PPP1R2: variants seen among roughly 807,000 people sequenced by gnomAD.
PPP1R2 encodes protein phosphatase 1 regulatory inhibitor subunit 2.
PPP1R2 carries 16 observed loss-of-function variants against 29.9 expected under a neutral mutation model. That is an observed-to-expected ratio of 0.53 (90% CI 0.36 to 0.81). PPP1R2 has a LOEUF of 0.81. Ranked by LOEUF, PPP1R2 falls within the 30% of genes least tolerant of loss-of-function variation. PPP1R2 has a pLI of 0.00. For missense variants in PPP1R2, 197 were observed against 252.7 expected (o/e 0.78, Z 1.49); for synonymous variants, 76 against 91.5 (o/e 0.83, Z 0.96).
chr3:195,518,659 A>G (rs1249385805), intron 5 of PPP1R2, among the ~76,000 whole-genome samples: 1 of 152,146 alleles, frequency 6.6e-6, no homozygotes, highest in Non-Finnish European at 1.5e-5. Context: ...TCAAAAAAAA[A>G]AAAAAAGTTT....
chr3:195,541,395 G>A (rs1447964197), intron 1 of PPP1R2, among the ~76,000 whole-genome samples: 5 of 150,698 alleles, frequency 3.3e-5, no homozygotes, highest in Non-Finnish European at 5.9e-5. Flanking sequence ...AAACCCTGAA[G>A]CTACATTTGA....
At chr3:195,532,442 TGG>T (rs1719220255) in intron 1 of PPP1R2, among the ~76,000 whole-genome samples, 1 of 152,260 alleles carries the variant, frequency 6.6e-6, no homozygotes, top group African/African-American at 2.4e-5. Flanking sequence ...CACACTCTTC[TGG>T]GACTGAACTA....
chr3:195,525,408 TCTGAGGGAGGTCCTGAAAC>T (rs1718925927), intron 2 of PPP1R2, among the ~76,000 whole-genome samples: 1 of 152,134 alleles, frequency 6.6e-6, no homozygotes, highest in Non-Finnish European at 1.5e-5. Context: ...GATTTCGGTA[TCTGAGGGAGGTCCTGAAAC>T]CTCCATGGAT....
In PPP1R2 at chr3:195,514,571, A is replaced by G. The variant is rs1203147984; in HGVS notation, c.*2325T>C. The G allele has an allele frequency of 4.6e-5, 7 of 152,228 alleles. No individual in the cohort carries two copies. The highest frequency in any genetic ancestry group is 1.4e-4 in the African/African-American group (6 of 41,466). The allele number at this position is 152,228 out of a possible 1,614,324, so 9.4% of individuals were successfully genotyped here. Reference sequence around the variant, plus strand: ...ACCTTAACAATCCATTTACACCATTATGTCAAATTTTAGTCATCTCTGCAG... The same window carrying G: ...ACCTTAACAATCCATTTACACCATTGTGTCAAATTTTAGTCATCTCTGCAG... On this transcript the variant is annotated 3_prime_UTR_variant, in exon 6 of 6. Transcript: ENST00000618156.
chr3:195,526,061 A>C (rs1036225416), intron 2 of PPP1R2, among the ~76,000 whole-genome samples: 2 of 152,038 alleles, frequency 1.3e-5, no homozygotes, highest in Non-Finnish European at 2.9e-5. Context: ...CTTAGATAAT[A>C]AGACATGATG....
chr3:195,518,045 C>T (rs1381013664), intron 5 of PPP1R2, among the ~76,000 whole-genome samples: 3 of 152,122 alleles, frequency 2.0e-5, no homozygotes, highest in East Asian at 1.9e-4. Flanking sequence ...ACATCAGTTA[C>T]GCCTCCACTG....
At chr3:195,521,510 GGTTT>G (rs1394979088) in intron 4 of PPP1R2, among the ~76,000 whole-genome samples, 1 of 151,254 alleles carries the variant, frequency 6.6e-6, no homozygotes, top group Non-Finnish European at 1.5e-5. Context: ...TGTTTCTTTT[GGTTT>G]GTTTTTATTT....
At chr3:195,522,661 C>T (rs748574263) in intron 4 of PPP1R2, among the ~76,000 whole-genome samples, 9 of 152,158 alleles carry the variant, frequency 5.9e-5, no homozygotes, top group Non-Finnish European at 1.3e-4. Context: ...TACAATACAA[C>T]TTGAGAATAT....
intron 5 of PPP1R2, 116 bp from the exon 6 acceptor site, chr3:195,517,058 G>C (rs1466365867): frequency 2.5e-6 from 2 of 798,770 alleles, no homozygotes; most frequent in Non-Finnish European, 4.1e-6. Context: ...AAACAAATAA[G>C]GTATATTTCA....
rs371268906 is a variant in PPP1R2, at chr3:195,524,250, G to A, written c.309-464C>T. ...AAAACAGGAAGCAGGGGCCAGGCGCGGTGGTTCACCCCTGTAATCCCAGAA... is the reference window on the plus strand; with the variant it reads ...AAAACAGGAAGCAGGGGCCAGGCGCAGTGGTTCACCCCTGTAATCCCAGAA... On this transcript the variant is annotated intron_variant, in intron 3 of 5. Coordinates refer to ENST00000618156, the MANE Select transcript of PPP1R2 (RefSeq NM_006241.8). Among the ~76,000 whole-genome samples, 550 of 152,318 alleles carry A rather than the reference G, an allele frequency of 3.6e-3. 3 individuals are homozygous for A. The highest frequency in any genetic ancestry group is 8.2e-3 in the African/African-American group (340 of 41,570).
At chr3:195,542,798 G>A (rs944920650) in intron 1 of PPP1R2, 106 bp downstream of exon 1, 6 of 1,354,168 alleles carry the variant, frequency 4.4e-6, no homozygotes, top group African/African-American at 1.5e-5. Flanking sequence ...AGAGACTCGA[G>A]CGGCACCCGA....
intron 5 of PPP1R2, among the ~76,000 whole-genome samples, chr3:195,517,394 T>A (rs984144878): frequency 2.0e-5 from 3 of 152,098 alleles, no homozygotes; most frequent in Admixed American, 6.6e-5. Flanking sequence ...CTTAGAGATC[T>A]GAAAAGCTGG....
chr3:195,524,983 A>T, intron 2 of PPP1R2, 87 bp from the exon 3 acceptor site: 3 of 1,053,250 alleles, frequency 2.8e-6, no homozygotes, highest in East Asian at 2.4e-5. Context: ...CCATCAACCT[A>T]CTTAACATAT....
chr3:195,537,348 T>TGTAA (rs1376234662), intron 1 of PPP1R2, among the ~76,000 whole-genome samples: 1 of 152,152 alleles, frequency 6.6e-6, no homozygotes, highest in Non-Finnish European at 1.5e-5. Flanking sequence ...AATTTGCTAG[T>TGTAA]GTAAGAGTCT....
chr3:195,536,156 C>T (rs768348760), intron 1 of PPP1R2, among the ~76,000 whole-genome samples: 2 of 151,952 alleles, frequency 1.3e-5, no homozygotes, highest in Non-Finnish European at 2.9e-5. Flanking sequence ...CAGGAGGCTA[C>T]CAGTAGTTAA....
intron 4 of PPP1R2, among the ~76,000 whole-genome samples, chr3:195,521,042 C>T (rs1718738286): frequency 2.0e-5 from 3 of 151,860 alleles, no homozygotes; most frequent in East Asian, 3.9e-4. Flanking sequence ...GAAGTCCGGG[C>T]GCAGTGCTCA....
In PPP1R2 at chr3:195,516,903, C is replaced by T; in HGVS notation, c.611G>A (p.Ser204Asn). ...PSDQQQNKLR[S>N]S ...GTGTTGAACAAATCTCGTCTATGAA[C>T]TTCGTAATTTGTTTTGCTGTTGGTC... Residue 204 changes from serine to asparagine, a missense_variant, in exon 6 of 6, where the codon AGT (serine) becomes AAT (asparagine). By Grantham distance (46) the Ser-to-Asn change is conservative. Transcript: ENST00000618156. 6 of 1,612,130 alleles carry T rather than the reference C, an allele frequency of 3.7e-6. No homozygotes were observed. Among genetic ancestry groups the T allele is most frequent in the Non-Finnish European group, 5.1e-6 (6 of 1,178,496 alleles).
intron 1 of PPP1R2, among the ~76,000 whole-genome samples, chr3:195,533,326 C>CA (rs1444114272): frequency 1.4e-5 from 2 of 144,660 alleles, no homozygotes; most frequent in African/African-American, 5.2e-5. Flanking sequence ...GCCTGGGCAA[C>CA]AGAGTAAGAC....
At chr3:195,532,197 A>ATTTTTC (rs1451669121) in intron 1 of PPP1R2, among the ~76,000 whole-genome samples, 5,844 of 131,350 alleles carry the variant, frequency 0.044, 246 homozygotes, top group South Asian at 0.12. Flanking sequence ...TGCCCAGCTA[A>ATTTTTC]TTTTTCTTTT....
Sources: gnomAD v4.1 joint callset for allele counts (sites outside exome capture counted in the v4.1 genomes callset) on GRCh38, gnomAD v4.1.1 for gene constraint, MANE v1.5 for transcripts, NCBI Gene and HGNC (gene_info 2026-07-23, HGNC 2026-07-21) for gene names.